Variants in TBXAS1 observed in about 807,000 individuals in gnomAD.
TBXAS1 encodes the protein thromboxane-A synthase.
A neutral mutation model predicts 60.7 loss-of-function variants in TBXAS1; 48 were observed. That is an observed-to-expected ratio of 0.79 (90% CI 0.63 to 1.01). The LOEUF is 1.01. TBXAS1 is among the 50% of genes least tolerant of loss of function. The pLI is 0.00. For missense variants in TBXAS1, 685 were observed against 686.3 expected, an observed-to-expected ratio of 1.00 and a Z score of 0.02; for synonymous variants, 287 against 269.7, an observed-to-expected ratio of 1.06 and a Z score of -0.63.
In TBXAS1 at chr7:139,896,680, A is replaced by T. The variant is rs1459948932; in HGVS notation, c.237-14545A>T. ...GTTTGAACTTATCTACTTAGAAATG[A>T]GACTGTGGGGTTCTTCTTTTGGCCT... On this transcript the variant is annotated intron_variant, in intron 3 of 12. Transcript: ENST00000448866. The surrounding 1 kb of genome is among the most constrained non-coding windows in gnomAD (Gnocchi z 4.0). Among the ~76,000 whole-genome samples the T allele has an allele frequency of 1.3e-5, 2 of 152,216 alleles. No individual in the cohort carries two copies. The highest frequency in any genetic ancestry group is 2.9e-5 in the Non-Finnish European group (2 of 68,038).
In TBXAS1 at chr7:139,829,360, A is replaced by G. The variant is rs1053987535; in HGVS notation, c.-31A>G. On this transcript the variant is annotated 5_prime_UTR_variant, in exon 1 of 13. Coordinates refer to ENST00000448866, the MANE Select transcript of TBXAS1 (RefSeq NM_001061.7). ...GAGATCAGCCTCCTGTCTCATCTGGAAGACCACCACTCTGGGGTCTCAGAG... is the reference window on the plus strand; with the variant it reads ...GAGATCAGCCTCCTGTCTCATCTGGGAGACCACCACTCTGGGGTCTCAGAG... 1.9e-6 allele frequency: 3 copies of G among 1,603,682 alleles called. No individual in the cohort carries two copies. Among genetic ancestry groups the G allele is most frequent in the Non-Finnish European group, 8.5e-7 (1 of 1,172,674 alleles).
At chr7:139,877,198 G>A (rs907017868) in intron 3 of TBXAS1, among the ~76,000 whole-genome samples, 3 of 152,190 alleles carry the variant, frequency 2.0e-5, no homozygotes, top group Non-Finnish European at 4.4e-5. Context: ...TCGGATGGAC[G>A]AGCGGGGAGG....
intron 3 of TBXAS1, among the ~76,000 whole-genome samples, chr7:139,897,825 C>T (rs766282709): frequency 2.0e-4 from 30 of 152,114 alleles, no homozygotes; most frequent in Non-Finnish European, 3.7e-4. Context: ...CAGACAGGAG[C>T]CCTGGGAAAG....
At chr7:139,964,748 T>C (rs1270793073) in intron 9 of TBXAS1, among the ~76,000 whole-genome samples, 1 of 152,222 alleles carries the variant, frequency 6.6e-6, no homozygotes, top group African/African-American at 2.4e-5. Flanking sequence ...GTTATGTCTA[T>C]GAAACAATAT....
chr7:139,893,612 T>A (rs891990692), intron 3 of TBXAS1, among the ~76,000 whole-genome samples: 1 of 152,244 alleles, frequency 6.6e-6, no homozygotes, highest in African/African-American at 2.4e-5. Context: ...TTTTCTTTAT[T>A]TTTATTTATC....
chr7:139,862,509 G>A (rs1488393044), intron 1 of TBXAS1, among the ~76,000 whole-genome samples: 2 of 152,152 alleles, frequency 1.3e-5, no homozygotes, highest in Admixed American at 6.5e-5. Context: ...AGAGACTAAG[G>A]GCACAGAAGG....
At chr7:139,943,508 TATA>T (rs889282944) in intron 5 of TBXAS1, among the ~76,000 whole-genome samples, 1 of 152,252 alleles carries the variant, frequency 6.6e-6, no homozygotes, top group Admixed American at 6.5e-5. Flanking sequence ...TTGCCAGAAT[TATA>T]ATGTCACTCT....
chr7:139,956,196 G>A (rs1809853142), intron 7 of TBXAS1, among the ~76,000 whole-genome samples: 1 of 151,892 alleles, frequency 6.6e-6, no homozygotes, highest in Admixed American at 6.6e-5. Flanking sequence ...GTCCAGGCTG[G>A]AGTGCAATGG....
rs1469913923 is a variant in TBXAS1, at chr7:139,999,977, TA to T, written c.1135-7113del. Among the ~76,000 whole-genome samples, 1 of 152,252 alleles carries T rather than the reference TA, an allele frequency of 6.6e-6. No homozygotes were observed. The highest frequency in any genetic ancestry group is 1.9e-4 in the East Asian group (1 of 5,200). ...ATTTTTATTTTCTTTTTCTCATTTA[TA>T]CTCCAGATGACATCTGCACACACAC... On this transcript the variant is annotated intron_variant, in intron 9 of 12. Transcript: ENST00000448866. The surrounding 1 kb of genome is among the most constrained non-coding windows in gnomAD (Gnocchi z 4.3).
At chr7:139,994,496 A>G (rs1813151295) in intron 9 of TBXAS1, among the ~76,000 whole-genome samples, 1 of 152,156 alleles carries the variant, frequency 6.6e-6, no homozygotes, top group African/African-American at 2.4e-5. Flanking sequence ...GCCTCTGGAC[A>G]TCATCCTTGG....
At chr7:139,805,712 T>TTCTTTCTTTCTTTCTTTCTTTCTTTC (rs753031062) in intron 4 of TBXAS1, among the ~76,000 whole-genome samples, 1 of 44,318 alleles carries the variant, frequency 2.3e-5, no homozygotes, top group Admixed American at 2.3e-4. Flanking sequence ...CTTTCTTTCT[T>TTCTTTCTTTCTTTCTTTCTTTCTTTC]TCTCTCTCTC....
chr7:140,000,034 CTGTG>C (rs149391533), intron 9 of TBXAS1, among the ~76,000 whole-genome samples: 15 of 151,856 alleles, frequency 9.9e-5, no homozygotes, highest in South Asian at 6.2e-4. Context: ...AGGTGTGTGA[CTGTG>C]TGTGTGTGTC....
chr7:139,917,105 C>CT (rs1444557935), intron 4 of TBXAS1, among the ~76,000 whole-genome samples: 2 of 152,196 alleles, frequency 1.3e-5, no homozygotes, highest in South Asian at 4.1e-4. Context: ...ACCTTGCCAA[C>CT]TTTTTTTAGC....
intron 3 of TBXAS1, among the ~76,000 whole-genome samples, chr7:139,785,588 AT>A (rs570800038): frequency 6.6e-6 from 1 of 151,680 alleles, no homozygotes; most frequent in Non-Finnish European, 1.5e-5. Flanking sequence ...CTGCTGCGCT[AT>A]TTTTTTAACA....
chr7:139,812,823 G>T (rs931405419), intron 4 of TBXAS1, among the ~76,000 whole-genome samples: 10 of 152,122 alleles, frequency 6.6e-5, no homozygotes, highest in Admixed American at 2.6e-4. Context: ...TTGGGAGGCT[G>T]AGGCAGGTGT....
At chr7:139,881,460 C>CG (rs201704380) in intron 3 of TBXAS1, among the ~76,000 whole-genome samples, 2,309 of 152,152 alleles carry the variant, frequency 0.015, 33 homozygotes, top group African/African-American at 0.033. Context: ...CTTTTTCCCC[C>CG]CCTCCAGGAG....
chr7:139,932,143 G>A (rs1374145708), intron 4 of TBXAS1, among the ~76,000 whole-genome samples: 2 of 148,284 alleles, frequency 1.3e-5, no homozygotes. Context: ...CTCCAGCCTG[G>A]GCAACAGAGC....
chr7:139,847,047 A>C (rs41708), intron 1 of TBXAS1, among the ~76,000 whole-genome samples: 131,183 of 152,088 alleles, frequency 0.86, 57,632 homozygotes, highest in Non-Finnish European at 0.96. Flanking sequence ...TGAGCAATAA[A>C]CCTTACACCA....
chr7:139,867,492 A>G (rs1801506207), intron 1 of TBXAS1, among the ~76,000 whole-genome samples: 1 of 152,186 alleles, frequency 6.6e-6, no homozygotes, highest in Non-Finnish European at 1.5e-5. Context: ...TTGGCTAAAC[A>G]ATGGGCTAAG....
Sources: allele counts gnomAD v4.1 joint callset (sites outside exome capture counted in the v4.1 genomes callset), GRCh38; gene constraint gnomAD v4.1.1; non-coding constraint Gnocchi (gnomAD v3.1); transcripts MANE v1.5; gene names NCBI Gene and HGNC (gene_info 2026-07-23, HGNC 2026-07-21).